The following NTMT1 variants were observed in gnomAD, a reference collection of about 807,000 sequenced individuals.
NTMT1 encodes N-terminal Xaa-Pro-Lys N-methyltransferase 1.
NTMT1 carries 8 observed loss-of-function variants against 17.5 expected under a neutral mutation model. The observed-to-expected ratio is 0.46, with a 90% CI of 0.27 to 0.82. The LOEUF is 0.82. Ranked by LOEUF, NTMT1 falls within the 40% of genes least tolerant of loss-of-function variation. The pLI, the probability that NTMT1 is intolerant of heterozygous loss-of-function variation, is 0.15. For synonymous variants in NTMT1, 128 were observed against 126.8 expected, an observed-to-expected ratio of 1.01 and a Z score of -0.06; for missense variants, 221 against 303.5, an observed-to-expected ratio of 0.73 and a Z score of 2.02.
rs960968346 is a variant in NTMT1, at chr9:129,614,370, A to G, written c.-55+5192A>G. 1.3e-5 allele frequency among the ~76,000 whole-genome samples: 2 copies of G among 152,166 alleles called. No homozygotes were observed. Among genetic ancestry groups the G allele is most frequent in the African/African-American group, 4.8e-5 (2 of 41,438 alleles). ...GGCTGCGTCAGATCCCTCCCAAATCAGCGAAGGTCCTAGGTTTGCAGGGCA... is the reference window on the plus strand; with the variant it reads ...GGCTGCGTCAGATCCCTCCCAAATCGGCGAAGGTCCTAGGTTTGCAGGGCA... On this transcript the variant is annotated intron_variant, in intron 1 of 3. Transcript: ENST00000372486. The surrounding 1 kb of genome is among the most constrained non-coding windows in gnomAD (Gnocchi z 4.4).
At chr9:129,609,364 C>G (rs1277295536) in intron 1 of NTMT1, among the ~76,000 whole-genome samples, 1 of 152,146 alleles carries the variant, frequency 6.6e-6, no homozygotes, top group African/African-American at 2.4e-5. Context: ...CCCAACTAGA[C>G]CGGGCTGCCA....
chr9:129,632,207 G>A lies in NTMT1; in HGVS notation c.-54-443G>A, dbSNP rs142233931. Among the ~76,000 whole-genome samples the A allele has an allele frequency of 4.0e-3, 613 of 152,338 alleles. 7 individuals are homozygous for A. Among genetic ancestry groups the A allele is most frequent in the African/African-American group, 0.014 (565 of 41,584 alleles). On this transcript the variant is annotated intron_variant, in intron 1 of 3. Coordinates refer to ENST00000372483, the MANE Select transcript of NTMT1 (RefSeq NM_014064.4). ...CTCACACCCGTAATCCCAGCACTTT[G>A]GGAGGCCAAGGTGGGAGAATCTCTT...
chr9:129,631,360 C>T (rs1831155973), intron 1 of NTMT1, among the ~76,000 whole-genome samples: 1 of 152,222 alleles, frequency 6.6e-6, no homozygotes, highest in Non-Finnish European at 1.5e-5. Context: ...CGTGGTGTGC[C>T]TTGGTGACAG....
chr9:129,618,645 G>A (rs1830507911), intron 1 of NTMT1, among the ~76,000 whole-genome samples: 2 of 151,994 alleles, frequency 1.3e-5, no homozygotes, highest in South Asian at 4.2e-4. Flanking sequence ...ATCAATGGAT[G>A]GATGGATAGA....
At chr9:129,625,843 C>T (rs1431545997), upstream of NTMT1, among the ~76,000 whole-genome samples, 1 of 151,730 alleles carries the variant, frequency 6.6e-6, no homozygotes, top group Non-Finnish European at 1.5e-5. Flanking sequence ...GAAAACCCGT[C>T]TCTACTAAAA....
At chr9:129,616,353 C>A (rs1260899509) in intron 1 of NTMT1, among the ~76,000 whole-genome samples, 1 of 152,078 alleles carries the variant, frequency 6.6e-6, no homozygotes, top group Non-Finnish European at 1.5e-5. Flanking sequence ...GTAGCTGGGA[C>A]TACAGGCGTG....
At chr9:129,624,504 G>A (rs998889580), upstream of NTMT1, among the ~76,000 whole-genome samples, 1 of 152,162 alleles carries the variant, frequency 6.6e-6, no homozygotes, top group African/African-American at 2.4e-5. Flanking sequence ...CACATCCTGC[G>A]GACTCAATGC....
intron 1 of NTMT1, among the ~76,000 whole-genome samples, chr9:129,617,075 G>GA (rs61602308): frequency 4.5e-4 from 68 of 150,344 alleles, no homozygotes; most frequent in South Asian, 2.7e-3. Flanking sequence ...CAAAAAAAAA[G>GA]AAAAAAAAAA....
intron 1 of NTMT1, chr9:129,615,515 T>G (rs926811210): frequency 6.2e-7 from 1 of 1,608,874 alleles, no homozygotes; most frequent in East Asian, 2.2e-5. Context: ...AGCGGAGCGT[T>G]GTGTCCTGCA....
upstream of NTMT1, among the ~76,000 whole-genome samples, chr9:129,623,104 C>CG (rs1187095217): frequency 6.6e-6 from 1 of 151,700 alleles, no homozygotes; most frequent in Non-Finnish European, 1.5e-5. Flanking sequence ...GAGGACAAGG[C>CG]GGGTGGATCA....
rs890251874 is a variant in NTMT1 at position 129,614,418 on chromosome 9, G to A, written c.-55+5240G>A. 6.6e-6 allele frequency among the ~76,000 whole-genome samples: 1 copy of A among 152,196 alleles called. No homozygotes were observed. Among genetic ancestry groups the A allele is most frequent in the East Asian group, 1.9e-4 (1 of 5,196 alleles). ...GCATCGCCCACAGCTAGACCTTGAGGCAGACATTTCCTGAAACTGCACATA... is the reference window on the plus strand; with the variant it reads ...GCATCGCCCACAGCTAGACCTTGAGACAGACATTTCCTGAAACTGCACATA... On this transcript the variant is annotated intron_variant, in intron 1 of 3. Coordinates refer to the NTMT1 transcript ENST00000372486. The surrounding 1 kb of genome is among the most constrained non-coding windows in gnomAD (Gnocchi z 4.4).
Position 129,619,817 on chromosome 9 carries a change from C to T in NTMT1, c.-55+10639C>T, listed in dbSNP as rs772931990. 6 of 1,613,878 alleles carry T rather than the reference C, an allele frequency of 3.7e-6. No homozygotes were observed. In the African/African-American group the frequency reaches 4.0e-5, roughly 11 times the overall value. ...GCTCTAATACACCCCTTTGATGTTG[C>T]GGTGCTGGGGATGCTGGAGCCAGGA... On this transcript the variant is annotated intron_variant, in intron 1 of 3. Transcript: ENST00000372486.
upstream of NTMT1, among the ~76,000 whole-genome samples, chr9:129,623,480 G>A (rs1473478870): frequency 6.6e-6 from 1 of 152,216 alleles, no homozygotes; most frequent in Non-Finnish European, 1.5e-5. Flanking sequence ...CTGAGTCTTG[G>A]CTGGGAGAGG....
Position 129,620,349 on chromosome 9 carries a change from G to A in NTMT1, c.-55+11171G>A, listed in dbSNP as rs960189428. On this transcript the variant is annotated intron_variant, in intron 1 of 3. Transcript: ENST00000372486. The surrounding 1 kb of genome is among the most constrained non-coding windows in gnomAD (Gnocchi z 5.8). The stretch of plus-strand genomic sequence containing the variant: ...AGCAAGGCGGGCAGGCGCGGCGGGA[G>A]GCGTCCGACGCCCACCCCGGGCTTG... 296 of 1,228,976 alleles carry A rather than the reference G, an allele frequency of 2.4e-4. No individual in the cohort carries two copies. Among genetic ancestry groups the A allele is most frequent in the Non-Finnish European group, 2.2e-4 (218 of 986,058 alleles). 76.1% of individuals were successfully genotyped at this position (1,228,976 alleles called of 1,614,324 possible).
At chr9:129,619,594 C>T in intron 1 of NTMT1, 12 of 1,614,034 alleles carry the variant, frequency 7.4e-6, no homozygotes, top group Non-Finnish European at 1.0e-5. Flanking sequence ...TCTGCTGGAG[C>T]GAAATCTTCG....
chr9:129,624,867 A>G (rs569133791), upstream of NTMT1, among the ~76,000 whole-genome samples: 1 of 152,328 alleles, frequency 6.6e-6, no homozygotes, highest in African/African-American at 2.4e-5. Flanking sequence ...ACCTCAGGTG[A>G]TCCGCCTGCC....
upstream of NTMT1, among the ~76,000 whole-genome samples, chr9:129,621,937 C>T (rs984431855): frequency 3.3e-5 from 5 of 152,212 alleles, no homozygotes; most frequent in South Asian, 2.1e-4. Context: ...CAGCCCCTCC[C>T]GGCTGCCTCT....
At chr9:129,622,573 C>T (rs1326463169), upstream of NTMT1, among the ~76,000 whole-genome samples, 2 of 152,114 alleles carry the variant, frequency 1.3e-5, no homozygotes, top group Non-Finnish European at 2.9e-5. Context: ...TTCAGGCAGT[C>T]TCAGCTGACA....
chr9:129,619,670 G>A lies in NTMT1; in HGVS notation c.-55+10492G>A, dbSNP rs1307663962. The A allele has an allele frequency of 1.9e-6, 3 of 1,610,614 alleles. No individual in the cohort carries two copies. In the South Asian group the frequency reaches 3.3e-5, roughly 18 times the overall value. The stretch of plus-strand genomic sequence containing the variant: ...CAAACAGGCCACATCTGGCATGAGT[G>A]GCCAGGCTGTCCCGCCCTGGAAACA... On this transcript the variant is annotated intron_variant, in intron 1 of 3. Coordinates refer to the NTMT1 transcript ENST00000372486.
Sources: allele counts gnomAD v4.1 joint callset (sites outside exome capture counted in the v4.1 genomes callset), GRCh38; gene constraint gnomAD v4.1.1; non-coding constraint Gnocchi (gnomAD v3.1); transcripts MANE v1.5; gene names NCBI Gene and HGNC (gene_info 2026-07-23, HGNC 2026-07-21).